The following PSD3 variants were observed in gnomAD, a reference collection of about 807,000 sequenced individuals.
The protein encoded by PSD3 is pleckstrin and Sec7 domain containing 3.
Under a neutral mutation model 105.5 loss-of-function variants are expected in PSD3, and 49 were observed. That is an observed-to-expected ratio of 0.46 (90% CI 0.37 to 0.59). PSD3 has a LOEUF of 0.59. PSD3 is among the 20% of genes least tolerant of loss of function. The pLI is 0.00. For synonymous variants in PSD3, 557 were observed against 457.8 expected (o/e 1.22, Z -2.77); for missense variants, 1,561 against 1,263.8 (o/e 1.24, Z -3.57).
chr8:18,568,291 C>T (rs940911694), intron 14 of PSD3, among the ~76,000 whole-genome samples: 1 of 144,184 alleles, frequency 6.9e-6, no homozygotes, highest in African/African-American at 2.6e-5. Context: ...CCTTTTCCCC[C>T]CTTTCTTGGC....
intron 1 of PSD3, among the ~76,000 whole-genome samples, chr8:18,953,074 T>C (rs1823346625): frequency 6.6e-6 from 1 of 152,152 alleles, no homozygotes; most frequent in Admixed American, 6.6e-5. Flanking sequence ...ACAGACCATT[T>C]AAGAAACAGA....
chr8:18,690,540 C>T (rs1306223377), intron 9 of PSD3, among the ~76,000 whole-genome samples: 1 of 152,148 alleles, frequency 6.6e-6, no homozygotes, highest in Non-Finnish European at 1.5e-5. Flanking sequence ...TTCTAACACT[C>T]TACACCCCAG....
intron 9 of PSD3, among the ~76,000 whole-genome samples, chr8:18,668,054 C>A (rs60447434): frequency 0.046 from 7,041 of 152,294 alleles, 236 homozygotes; most frequent in Admixed American, 0.11. Context: ...GGGTTCCCGC[C>A]CAGGCCTCTC....
chr8:18,592,581 AC>A (rs1375966462), intron 12 of PSD3, among the ~76,000 whole-genome samples: 1 of 152,160 alleles, frequency 6.6e-6, no homozygotes, highest in African/African-American at 2.4e-5. Context: ...TCAAAGAAAA[AC>A]AGAGGACTTT....
At chr8:18,578,633 A>T (rs1802610013) in intron 12 of PSD3, among the ~76,000 whole-genome samples, 1 of 152,020 alleles carries the variant, frequency 6.6e-6, no homozygotes, top group Admixed American at 6.6e-5. Context: ...AGACTGTCTC[A>T]TTTGGAGCCA....
chr8:18,920,884 G>C (rs117343420), intron 2 of PSD3, among the ~76,000 whole-genome samples: 34 of 152,130 alleles, frequency 2.2e-4, no homozygotes, highest in Non-Finnish European at 4.3e-4. Context: ...TATGAATAGA[G>C]GTACCTGTGT....
intron 9 of PSD3, among the ~76,000 whole-genome samples, chr8:18,693,830 C>G (rs1389050387): frequency 6.6e-6 from 1 of 152,162 alleles, no homozygotes; most frequent in African/African-American, 2.4e-5. Context: ...CAATAGATTC[C>G]TTTTTACTCT....
chr8:18,605,959 GGATCTGTGAGCCAATTA>G (rs1804796101), intron 11 of PSD3, among the ~76,000 whole-genome samples: 1 of 152,102 alleles, frequency 6.6e-6, no homozygotes, highest in African/African-American at 2.4e-5. Context: ...TATAGCCTGT[GGATCTGTGAGCCAATTA>G]AACTACTTTA....
At chr8:18,853,538 G>T (rs1038341882) in intron 4 of PSD3, among the ~76,000 whole-genome samples, 1 of 151,562 alleles carries the variant, frequency 6.6e-6, no homozygotes, top group Non-Finnish European at 1.5e-5. Context: ...CTCAGCTCCA[G>T]GGGGAAAAAA....
chr8:18,990,482 T>C (rs541035033), intron 1 of PSD3, among the ~76,000 whole-genome samples: 1 of 152,332 alleles, frequency 6.6e-6, no homozygotes, highest in South Asian at 2.1e-4. Context: ...GCCAGCGCCA[T>C]TTCATCTGCC....
intron 9 of PSD3, among the ~76,000 whole-genome samples, chr8:18,713,403 C>T (rs912985612): frequency 1.3e-5 from 2 of 152,134 alleles, no homozygotes; most frequent in African/African-American, 4.8e-5. Flanking sequence ...AGCTGAAAAG[C>T]TTCTTTACCT....
intron 9 of PSD3, among the ~76,000 whole-genome samples, chr8:18,722,191 CA>C (rs1169671980): frequency 6.6e-6 from 1 of 151,770 alleles, no homozygotes; most frequent in Non-Finnish European, 1.5e-5. Flanking sequence ...TTACTACCCA[CA>C]AGGAGGTGGG....
At chr8:18,973,361 G>A (rs1051239337) in intron 1 of PSD3, among the ~76,000 whole-genome samples, 3 of 152,208 alleles carry the variant, frequency 2.0e-5, no homozygotes, top group Non-Finnish European at 2.9e-5. Context: ...TCAAAGTTCT[G>A]AAGGCTGGAA....
chr8:18,820,886 A>G (rs1173615014), intron 4 of PSD3, among the ~76,000 whole-genome samples: 1 of 146,742 alleles, frequency 6.8e-6, no homozygotes, highest in African/African-American at 2.5e-5. Context: ...CCTAACTGGG[A>G]CCACAGGCGT....
chr8:18,576,109 A>G (rs977372921), intron 12 of PSD3, among the ~76,000 whole-genome samples: 1 of 152,128 alleles, frequency 6.6e-6, no homozygotes, highest in African/African-American at 2.4e-5. Context: ...CTGCTTTTAC[A>G]AATTTTCACA....
chr8:18,975,927 T>C (rs1420602715), intron 1 of PSD3, among the ~76,000 whole-genome samples: 3 of 152,188 alleles, frequency 2.0e-5, no homozygotes, highest in Admixed American at 2.0e-4. Context: ...CAACCTACTT[T>C]TATCATTCTT....
At chr8:18,642,339 A>G (rs988361887) in intron 10 of PSD3, among the ~76,000 whole-genome samples, 1 of 152,182 alleles carries the variant, frequency 6.6e-6, no homozygotes, top group Non-Finnish European at 1.5e-5. Flanking sequence ...TAAAAAATAT[A>G]CATATATGTA....
rs78866302 is a variant in PSD3, at chr8:18,916,561, G to T, written c.130+19473C>A. Among the ~76,000 whole-genome samples the T allele has an allele frequency of 7.6e-3, 1,157 of 151,884 alleles. 15 individuals are homozygous for T. The highest frequency in any genetic ancestry group is 0.027 in the African/African-American group (1,106 of 41,422). On this transcript the variant is annotated intron_variant, in intron 2 of 15. Transcript: ENST00000327040. The stretch of plus-strand genomic sequence containing the variant: ...GCACACAGTAGCAAAGAGTACGATG[G>T]TGGTTACCAGGGGCTACAGCAGGGA...
At chr8:18,780,415 T>C (rs540242028) in intron 8 of PSD3, among the ~76,000 whole-genome samples, 1 of 152,298 alleles carries the variant, frequency 6.6e-6, no homozygotes, top group East Asian at 1.9e-4. Flanking sequence ...CTGTTTACAT[T>C]CAAGGTTATT....
Sources: allele counts gnomAD v4.1 joint callset (sites outside exome capture counted in the v4.1 genomes callset), GRCh38; gene constraint gnomAD v4.1.1; transcripts MANE v1.5; gene names NCBI Gene and HGNC (gene_info 2026-07-23, HGNC 2026-07-21).